TSPAN5: variants seen among roughly 807,000 people sequenced by gnomAD.
The protein encoded by TSPAN5 is tetraspanin-5.
A neutral mutation model predicts 37.1 loss-of-function variants in TSPAN5; 10 were observed. That is an observed-to-expected ratio of 0.27 (90% confidence interval 0.17 to 0.46). The LOEUF (loss-of-function observed/expected upper bound fraction) is 0.46, where lower values mean the gene tolerates loss of function less well. Among genes scored for constraint, TSPAN5 ranks in the 20% least tolerant of loss-of-function variants. The probability of loss-of-function intolerance (pLI) is 1.00; values close to 1 mark genes in which losing one functional copy is unlikely to be tolerated. For synonymous variants in TSPAN5, 110 were observed against 118.9 expected (o/e 0.93, Z 0.48); for missense variants, 195 against 326.6 (o/e 0.60, Z 3.11).
At chr4:98,622,966 T>C (rs1386361455) in intron 1 of TSPAN5, among the ~76,000 whole-genome samples, 1 of 152,208 alleles carries the variant, frequency 6.6e-6, no homozygotes, top group Non-Finnish European at 1.5e-5. Flanking sequence ...ACTCATCATT[T>C]TGTAATAAGA....
At chr4:98,585,590 G>A (rs550336314) in intron 1 of TSPAN5, among the ~76,000 whole-genome samples, 191 of 152,252 alleles carry the variant, frequency 1.3e-3, no homozygotes, top group African/African-American at 4.0e-3. Context: ...GATTAAAGGC[G>A]TGAGCCACTG....
intron 1 of TSPAN5, among the ~76,000 whole-genome samples, chr4:98,514,851 T>A (rs553030601): frequency 6.6e-6 from 1 of 152,154 alleles, no homozygotes; most frequent in South Asian, 2.1e-4. Context: ...TACATTCTAG[T>A]TGAAGTGTGC....
intron 1 of TSPAN5, among the ~76,000 whole-genome samples, chr4:98,518,971 G>A (rs1578962163): frequency 6.6e-6 from 1 of 152,360 alleles, no homozygotes; most frequent in East Asian, 1.9e-4. Context: ...AGCAAAACAA[G>A]TTATCAGATT....
intron 1 of TSPAN5, among the ~76,000 whole-genome samples, chr4:98,589,361 G>A (rs1755571159): frequency 6.6e-6 from 1 of 152,200 alleles, no homozygotes; most frequent in Non-Finnish European, 1.5e-5. Flanking sequence ...AGACCCAGAT[G>A]TCAGTGCTTA....
intron 7 of TSPAN5, among the ~76,000 whole-genome samples, chr4:98,474,817 G>A (rs944650121): frequency 1.3e-5 from 2 of 152,160 alleles, no homozygotes; most frequent in African/African-American, 2.4e-5. Context: ...AGGACCACAG[G>A]CATGTGCCAT....
chr4:98,519,869 T>C (rs1354701552), intron 1 of TSPAN5, among the ~76,000 whole-genome samples: 1 of 152,176 alleles, frequency 6.6e-6, no homozygotes. Flanking sequence ...GACAAGTAAT[T>C]TAACTTGTCA....
chr4:98,532,801 C>T (rs536017498), intron 1 of TSPAN5, among the ~76,000 whole-genome samples: 1 of 152,326 alleles, frequency 6.6e-6, no homozygotes, highest in East Asian at 1.9e-4. Flanking sequence ...AGTGTTTCCT[C>T]ATTCAGTATG....
chr4:98,525,650 C>T (rs748767211), intron 1 of TSPAN5, among the ~76,000 whole-genome samples: 4 of 150,800 alleles, frequency 2.7e-5, no homozygotes, highest in African/African-American at 4.9e-5. Context: ...GATCTCGGCT[C>T]ACTGCAACCT....
At chr4:98,616,949 G>A (rs950882984) in intron 1 of TSPAN5, among the ~76,000 whole-genome samples, 18 of 143,954 alleles carry the variant, frequency 1.3e-4, no homozygotes, top group South Asian at 2.2e-4. Context: ...TCGACCTCCC[G>A]AGTAGCTGGG....
chr4:98,599,618 T>C lies in TSPAN5; in HGVS notation c.81+58528A>G, dbSNP rs559337688. ...ATGTCAAACTCCAGAAAACCACTGA[T>C]TTGCTTTCTGTACCTACAGACTAGT... On this transcript the variant is annotated intron_variant, in intron 1 of 7. Transcript: ENST00000305798. Among the ~76,000 whole-genome samples, 6 of 152,310 alleles carry C rather than the reference T, an allele frequency of 3.9e-5. No homozygotes were observed. In the East Asian group the frequency reaches 1.2e-3, roughly 29 times the overall value.
chr4:98,517,724 A>G (rs1330225584), intron 1 of TSPAN5, among the ~76,000 whole-genome samples: 2 of 152,172 alleles, frequency 1.3e-5, no homozygotes, highest in Non-Finnish European at 2.9e-5. Flanking sequence ...GGCACGTAAA[A>G]GGGAAAGTGA....
intron 2 of TSPAN5, among the ~76,000 whole-genome samples, chr4:98,496,146 C>T (rs904465274): frequency 1.3e-5 from 2 of 152,120 alleles, no homozygotes; most frequent in East Asian, 1.9e-4. Context: ...AGCTACTCAG[C>T]GAGGGGTGAT....
chr4:98,651,940 T>G (rs974727760), intron 1 of TSPAN5, among the ~76,000 whole-genome samples: 5 of 133,690 alleles, frequency 3.7e-5, no homozygotes, highest in African/African-American at 1.4e-4. Flanking sequence ...AGCCTCAACC[T>G]CCCAGGCTCA....
chr4:98,658,243 G>A lies in TSPAN5; in HGVS notation c.-17C>T. 6.2e-7 allele frequency: 1 copy of A among 1,610,986 alleles called. No homozygotes were observed. Among genetic ancestry groups the A allele is most frequent in the South Asian group, 1.1e-5 (1 of 91,010 alleles). ...CCCGGACATCCTCTGGGTTCATGAAGACACTTGCCCCGGCAGCCCGAGTTT... is the reference window on the plus strand; with the variant it reads ...CCCGGACATCCTCTGGGTTCATGAAAACACTTGCCCCGGCAGCCCGAGTTT... On this transcript the variant is annotated 5_prime_UTR_variant, in exon 1 of 8. Coordinates refer to ENST00000305798, the MANE Select transcript of TSPAN5 (RefSeq NM_005723.4).
chr4:98,568,539 G>A (rs932174892), intron 1 of TSPAN5, among the ~76,000 whole-genome samples: 6 of 151,492 alleles, frequency 4.0e-5, no homozygotes, highest in Non-Finnish European at 5.9e-5. Flanking sequence ...CCCACCCCCA[G>A]CCCACCACCA....
chr4:98,476,159 TGTGATATC>T (rs1752690987), intron 7 of TSPAN5, 22 bp downstream of exon 7: 1 of 1,541,304 alleles, frequency 6.5e-7, no homozygotes, highest in Non-Finnish European at 9.0e-7. Flanking sequence ...ATTATTTCCC[TGTGATATC>T]CATAAAGGAC....
chr4:98,598,266 G>A (rs549793625), intron 1 of TSPAN5, among the ~76,000 whole-genome samples: 108 of 142,654 alleles, frequency 7.6e-4, no homozygotes, highest in African/African-American at 2.5e-3. Flanking sequence ...GCGCTTCCCA[G>A]GTGAGGCAAT....
intron 1 of TSPAN5, among the ~76,000 whole-genome samples, chr4:98,630,224 G>C (rs1415256594): frequency 2.6e-5 from 4 of 152,134 alleles, no homozygotes; most frequent in Admixed American, 2.6e-4. Context: ...ACAAGAACAG[G>C]ACAAAGGCAA....
intron 1 of TSPAN5, among the ~76,000 whole-genome samples, chr4:98,530,514 A>G (rs1754058088): frequency 6.6e-6 from 1 of 152,026 alleles, no homozygotes; most frequent in Non-Finnish European, 1.5e-5. Context: ...CTAGAGGCAC[A>G]CTCCACCCCA....
Sources: allele counts gnomAD v4.1 joint callset (sites outside exome capture counted in the v4.1 genomes callset), GRCh38; gene constraint gnomAD v4.1.1; transcripts MANE v1.5; gene names NCBI Gene and HGNC (gene_info 2026-07-23, HGNC 2026-07-21).